Variants in IQGAP2 observed in about 807,000 individuals in gnomAD.
IQGAP2 encodes IQ motif containing GTPase activating protein 2, also known as ras GTPase-activating-like protein IQGAP2.
IQGAP2 carries 173 observed loss-of-function variants against 201.3 expected under a neutral mutation model. That is an observed-to-expected ratio of 0.86 (90% CI 0.76 to 0.98). The LOEUF (loss-of-function observed/expected upper bound fraction) is 0.98, where lower values mean the gene tolerates loss of function less well. IQGAP2 is among the 50% of genes least tolerant of loss of function. IQGAP2 has a pLI of 0.00. For missense variants in IQGAP2, 1,687 were observed against 1,864.8 expected (o/e 0.90, Z 1.76); for synonymous variants, 675 against 673.9 (o/e 1.00, Z -0.03).
intron 2 of IQGAP2, among the ~76,000 whole-genome samples, chr5:76,492,650 G>GA (rs1486241120): frequency 2.0e-5 from 3 of 152,158 alleles, no homozygotes; most frequent in Non-Finnish European, 4.4e-5. Context: ...AGTGTGTGAA[G>GA]GTTTTGTAAC....
At chr5:76,440,729 C>G (rs934947562) in intron 1 of IQGAP2, among the ~76,000 whole-genome samples, 5 of 152,064 alleles carry the variant, frequency 3.3e-5, no homozygotes, top group Non-Finnish European at 5.9e-5. Context: ...GACAGCATAG[C>G]CTAGTAAGTA....
At chr5:76,545,485 G>T (rs891392762) in intron 2 of IQGAP2, among the ~76,000 whole-genome samples, 1 of 152,112 alleles carries the variant, frequency 6.6e-6, no homozygotes. Flanking sequence ...TTTATCCCTG[G>T]TTCCCTCCCT....
intron 2 of IQGAP2, among the ~76,000 whole-genome samples, chr5:76,516,004 A>C (rs191241835): frequency 6.7e-6 from 1 of 149,434 alleles, no homozygotes; most frequent in East Asian, 2.0e-4. Flanking sequence ...CAGCCTCTTG[A>C]GTAGCTGGGA....
At chr5:76,551,531 C>G (rs562631410) in intron 2 of IQGAP2, among the ~76,000 whole-genome samples, 2 of 151,978 alleles carry the variant, frequency 1.3e-5, no homozygotes, top group South Asian at 2.1e-4. Context: ...TGTAGCGAGC[C>G]GAGATCACGT....
At chr5:76,556,515 T>G (rs1239937039) in intron 2 of IQGAP2, among the ~76,000 whole-genome samples, 1 of 152,242 alleles carries the variant, frequency 6.6e-6, no homozygotes, top group African/African-American at 2.4e-5. Context: ...TCTGCCTGCG[T>G]GATTTCTTCT....
At chr5:76,463,115 G>A (rs181624150) in intron 2 of IQGAP2, among the ~76,000 whole-genome samples, 136 of 109,094 alleles carry the variant, frequency 1.2e-3, no homozygotes, top group Non-Finnish European at 1.8e-3. Flanking sequence ...AGAGTGAGAC[G>A]CTGTCTTTAA....
intron 2 of IQGAP2, among the ~76,000 whole-genome samples, chr5:76,545,932 A>C (rs1743067052): frequency 6.6e-6 from 1 of 152,226 alleles, no homozygotes; most frequent in Non-Finnish European, 1.5e-5. Context: ...TCCTGTCATC[A>C]GACATCTGAG....
At chr5:76,552,996 C>T (rs1743666413) in intron 2 of IQGAP2, among the ~76,000 whole-genome samples, 1 of 152,192 alleles carries the variant, frequency 6.6e-6, no homozygotes, top group African/African-American at 2.4e-5. Flanking sequence ...TTTCATGTCA[C>T]TTTCTTAGAG....
chr5:76,698,235 T>G, intron 33 of IQGAP2, 88 bp downstream of exon 33: 2 of 1,021,732 alleles, frequency 2.0e-6, no homozygotes, highest in Non-Finnish European at 1.4e-6. Context: ...GGGTTGGGTA[T>G]GGAAGAAAAC....
At chr5:76,650,454 T>C (rs1021416960) in intron 17 of IQGAP2, among the ~76,000 whole-genome samples, 1 of 152,218 alleles carries the variant, frequency 6.6e-6, no homozygotes, top group African/African-American at 2.4e-5. Context: ...TACAGATTGT[T>C]TGCATAGAAA....
At chr5:76,430,944 A>C (rs1462561786) in intron 1 of IQGAP2, among the ~76,000 whole-genome samples, 1 of 152,212 alleles carries the variant, frequency 6.6e-6, no homozygotes, top group Non-Finnish European at 1.5e-5. Flanking sequence ...TAGGAATATG[A>C]TGCAGACTTT....
intron 2 of IQGAP2, among the ~76,000 whole-genome samples, chr5:76,516,809 G>C (rs1280982299): frequency 6.6e-6 from 1 of 152,142 alleles, no homozygotes; most frequent in Non-Finnish European, 1.5e-5. Flanking sequence ...GAGAAGAAAG[G>C]TATATGTTCC....
intron 2 of IQGAP2, among the ~76,000 whole-genome samples, chr5:76,480,254 C>G (rs1219894704): frequency 6.6e-6 from 1 of 152,146 alleles, no homozygotes; most frequent in Non-Finnish European, 1.5e-5. Flanking sequence ...ACATATTTCA[C>G]ATACCCTCTG....
chr5:76,436,507 A>G (rs1221522653), intron 1 of IQGAP2, among the ~76,000 whole-genome samples: 6 of 24,832 alleles, frequency 2.4e-4, no homozygotes, highest in African/African-American at 3.1e-4. Context: ...ATATATATAT[A>G]TATATATATA....
At chr5:76,613,811 C>T (rs1748630643) in intron 13 of IQGAP2, among the ~76,000 whole-genome samples, 2 of 152,176 alleles carry the variant, frequency 1.3e-5, no homozygotes, top group Admixed American at 1.3e-4. Flanking sequence ...TCTCCTGCCT[C>T]AGCCTCCCGA....
chr5:76,484,046 G>A (rs781073532), intron 2 of IQGAP2, among the ~76,000 whole-genome samples: 17 of 150,278 alleles, frequency 1.1e-4, no homozygotes, highest in South Asian at 4.3e-4. Flanking sequence ...TTTTGAGGGC[G>A]GAGACTCTCA....
intron 2 of IQGAP2, among the ~76,000 whole-genome samples, chr5:76,471,529 T>C (rs1580265180): frequency 6.6e-6 from 1 of 152,200 alleles, no homozygotes; most frequent in East Asian, 1.9e-4. Flanking sequence ...GTGTGATTCC[T>C]TTTGTGTCAG....
intron 17 of IQGAP2, among the ~76,000 whole-genome samples, chr5:76,646,796 G>A (rs1285247998): frequency 1.3e-5 from 2 of 151,914 alleles, no homozygotes; most frequent in East Asian, 3.8e-4. Flanking sequence ...TTATTAATCT[G>A]TTCCAAACTG....
At chr5:76,556,799 G>T (rs1743981942) in intron 2 of IQGAP2, among the ~76,000 whole-genome samples, 2 of 152,182 alleles carry the variant, frequency 1.3e-5, no homozygotes, top group Non-Finnish European at 2.9e-5. Flanking sequence ...TTTCCAAGTT[G>T]TATCTTATTG....
Sources: allele counts gnomAD v4.1 joint callset (sites outside exome capture counted in the v4.1 genomes callset), GRCh38; gene constraint gnomAD v4.1.1; transcripts MANE v1.5; gene names NCBI Gene and HGNC (gene_info 2026-07-23, HGNC 2026-07-21).